Variants in NETO1 observed in about 807,000 individuals in gnomAD.
NETO1 encodes the protein neuropilin and tolloid like 1.
In NETO1, 26 loss-of-function variants were observed where a neutral mutation model predicts 61.3. The ratio of observed to expected loss-of-function variants is 0.42; its 90% CI spans 0.31 to 0.59. The LOEUF (loss-of-function observed/expected upper bound fraction) is 0.59. Among genes scored for constraint, NETO1 ranks in the 20% least tolerant of loss-of-function variants. The probability of loss-of-function intolerance (pLI) is 0.12; values close to 1 mark genes in which losing one functional copy is unlikely to be tolerated. For missense variants in NETO1, 531 were observed against 662.8 expected (o/e 0.80, Z 2.18); for synonymous variants, 225 against 225.8 (o/e 1.00, Z 0.03).
Position 72,748,007 on chromosome 18 carries a change from G to A in NETO1, c.*172C>T. The A allele has an allele frequency of 2.7e-6, 1 of 367,246 alleles. No individual in the cohort carries two copies. Among genetic ancestry groups the A allele is most frequent in the East Asian group, 1.7e-4 (1 of 6,020 alleles). 22.7% of individuals were successfully genotyped at this position (367,246 alleles called of 1,614,324 possible). A position where few individuals can be genotyped will look rare whatever the true frequency, so the allele number is the denominator to read the frequency against. ...ACCAAATTACGAAATGAACATATCA[G>A]TGTGCAGCGGGGATGTCTTGCCGAA... On this transcript the variant is annotated 3_prime_UTR_variant, in exon 11 of 11. Coordinates refer to ENST00000327305, the MANE Select transcript of NETO1 (RefSeq NM_138966.5).
chr18:72,744,222 C>T lies in NETO1; in HGVS notation c.*3957G>A, dbSNP rs1213193888. On this transcript the variant is annotated 3_prime_UTR_variant, in exon 11 of 11. Transcript: ENST00000327305. ...GTCACCCTAATTGTTATTTTTATTA[C>T]CCTGTTTTATTTATTTTGATGATAC... 3.9e-5 allele frequency: 6 copies of T among 152,104 alleles called. No individual in the cohort carries two copies. In the East Asian group the frequency reaches 1.2e-3, roughly 29 times the overall value. The allele number at this position is 152,104 out of a possible 1,614,324, so 9.4% of individuals were successfully genotyped here. A position where few individuals can be genotyped will look rare whatever the true frequency, so the allele number is the denominator to read the frequency against.
chr18:72,769,931 C>T (rs2071299474), intron 7 of NETO1, among the ~76,000 whole-genome samples: 1 of 151,986 alleles, frequency 6.6e-6, no homozygotes, highest in South Asian at 2.1e-4. Flanking sequence ...GGTAGTATTT[C>T]TGATTCAGAG....
intron 6 of NETO1, among the ~76,000 whole-genome samples, chr18:72,789,217 C>CACAT (rs1274662716): frequency 1.7e-5 from 2 of 120,834 alleles, no homozygotes; most frequent in Non-Finnish European, 3.8e-5. Flanking sequence ...CAAGCACACA[C>CACAT]ACACACACAC....
At chr18:72,834,977 T>G in intron 4 of NETO1, 1 of 823,112 alleles carries the variant, frequency 1.2e-6, no homozygotes, top group Non-Finnish European at 1.5e-6. Flanking sequence ...TAACACAATA[T>G]TACATAAAAT....
chr18:72,787,290 A>G (rs1195784978), intron 6 of NETO1, among the ~76,000 whole-genome samples: 1 of 151,620 alleles, frequency 6.6e-6, no homozygotes, highest in Non-Finnish European at 1.5e-5. Flanking sequence ...CAAGCAGGAG[A>G]ACACAGATTA....
At chr18:72,767,501 A>G (rs1211522144) in intron 7 of NETO1, among the ~76,000 whole-genome samples, 1 of 152,174 alleles carries the variant, frequency 6.6e-6, no homozygotes, top group Non-Finnish European at 1.5e-5. Flanking sequence ...AAGAAGCAAA[A>G]TTACTTAAGA....
At chr18:72,831,271 T>C (rs1335756228) in intron 4 of NETO1, among the ~76,000 whole-genome samples, 1 of 152,184 alleles carries the variant, frequency 6.6e-6, no homozygotes, top group African/African-American at 2.4e-5. Context: ...CTTCTAACAA[T>C]GTAAAATCCT....
At chr18:72,805,782 T>C (rs2072656291) in intron 4 of NETO1, among the ~76,000 whole-genome samples, 1 of 152,176 alleles carries the variant, frequency 6.6e-6, no homozygotes. Context: ...CTTCCTTCTC[T>C]CTTGATTTGG....
intron 4 of NETO1, among the ~76,000 whole-genome samples, chr18:72,838,704 A>G (rs2073832957): frequency 6.6e-6 from 1 of 152,224 alleles, no homozygotes; most frequent in Admixed American, 6.5e-5. Context: ...CTCTTAGAGA[A>G]TCCCTAGCCA....
At chr18:72,772,536 G>T (rs1047583204) in intron 7 of NETO1, among the ~76,000 whole-genome samples, 3 of 151,752 alleles carry the variant, frequency 2.0e-5, no homozygotes, top group African/African-American at 7.3e-5. Flanking sequence ...TGGTGGGAGA[G>T]GCATAGAATT....
rs1491206917 is a variant in NETO1 at position 72,772,776 on chromosome 18, T to TATATATAC, written c.868+10901_868+10902insGTATATAT. ...ATATATATCTATATATATATATATA[T>TATATATAC]ACAGATCTCTATATAGTTCTCTCTC... is the stretch of plus-strand genomic sequence containing the variant. On this transcript the variant is annotated intron_variant, in intron 7 of 10. Coordinates refer to ENST00000327305, the MANE Select transcript of NETO1 (RefSeq NM_138966.5). 2.6e-5 allele frequency among the ~76,000 whole-genome samples: 3 copies of TATATATAC among 115,710 alleles called. 1 individual carries two copies. The highest frequency in any genetic ancestry group is 9.2e-5 in the African/African-American group (3 of 32,748). The allele number at this position is 115,710 out of a possible 152,430, so 75.9% of individuals were successfully genotyped here. A position where few individuals can be genotyped will look rare whatever the true frequency, so the allele number is the denominator to read the frequency against.
At chr18:72,809,898 C>T (rs191453745) in intron 4 of NETO1, among the ~76,000 whole-genome samples, 11 of 152,312 alleles carry the variant, frequency 7.2e-5, no homozygotes, top group African/African-American at 2.6e-4. Context: ...GCCACTTTTC[C>T]TTTAATATAT....
intron 4 of NETO1, among the ~76,000 whole-genome samples, chr18:72,846,030 T>C (rs189569183): frequency 4.7e-4 from 72 of 152,208 alleles, no homozygotes; most frequent in African/African-American, 1.7e-3. Context: ...ACATATCTCC[T>C]ACGCTGAAGG....
At position 72,748,155 on chromosome 18, in the gene NETO1, T is replaced by C; in HGVS notation, c.*24A>G. 1 of 981,894 alleles carries C rather than the reference T, an allele frequency of 1.0e-6. No individual in the cohort carries two copies. The highest frequency in any genetic ancestry group is 1.2e-6 in the Non-Finnish European group (1 of 826,262). The allele number at this position is 981,894 out of a possible 1,614,324, so 60.8% of individuals were successfully genotyped here. On this transcript the variant is annotated 3_prime_UTR_variant, in exon 11 of 11. Transcript: ENST00000327305. The stretch of plus-strand genomic sequence containing the variant: ...TTCACAGTCCCCATGTTTGTATAAA[T>C]AGTTCTTCTCTGAAAATAAAAAACA...
chr18:72,758,916 A>G (rs969257093), intron 7 of NETO1, among the ~76,000 whole-genome samples: 1 of 152,066 alleles, frequency 6.6e-6, no homozygotes, highest in Non-Finnish European at 1.5e-5. Flanking sequence ...GCAAAAATAA[A>G]TTTTGTTTTA....
chr18:72,840,056 T>G (rs1314293979), intron 4 of NETO1, among the ~76,000 whole-genome samples: 1 of 152,216 alleles, frequency 6.6e-6, no homozygotes, highest in Non-Finnish European at 1.5e-5. Context: ...ATCCTCCACA[T>G]TTAATTCCTT....
chr18:72,755,963 T>C (rs997267962), intron 8 of NETO1, 71 bp downstream of exon 8: 8 of 739,232 alleles, frequency 1.1e-5, no homozygotes, highest in Non-Finnish European at 1.9e-5. Context: ...ACTGTCTGAT[T>C]GATACATATA....
chr18:72,860,808 C>T (rs1202416104), intron 3 of NETO1, among the ~76,000 whole-genome samples: 2 of 150,812 alleles, frequency 1.3e-5, no homozygotes, highest in Non-Finnish European at 2.9e-5. Flanking sequence ...GCTTAAAGTG[C>T]CAGCCTTAAA....
chr18:72,846,926 C>T (rs535833090), intron 4 of NETO1, among the ~76,000 whole-genome samples: 7 of 152,322 alleles, frequency 4.6e-5, no homozygotes, highest in East Asian at 1.9e-4. Context: ...TTTGTTTGCG[C>T]GCCAAATTTG....
Sources: gnomAD v4.1 joint callset for allele counts (sites outside exome capture counted in the v4.1 genomes callset) on GRCh38, gnomAD v4.1.1 for gene constraint, MANE v1.5 for transcripts, NCBI Gene and HGNC (gene_info 2026-07-23, HGNC 2026-07-21) for gene names.